The following C22orf31 variants were observed in gnomAD, a reference collection of about 807,000 sequenced individuals.
C22orf31 encodes the protein chromosome 22 open reading frame 31.
In C22orf31, 11 loss-of-function variants were observed where a neutral mutation model predicts 15.0. That is an observed-to-expected ratio of 0.73 (90% CI 0.46 to 1.21). C22orf31 has a LOEUF of 1.21. Ranked by LOEUF, C22orf31 falls within the 50% of genes most tolerant of loss-of-function variation. C22orf31 has a pLI of 0.00. For missense variants in C22orf31, 340 were observed against 347.2 expected (o/e 0.98, Z 0.17); for synonymous variants, 132 against 133.3 (o/e 0.99, Z 0.07).
the C22orf31 span, chr22:29,072,930 C>G: frequency 1.3e-5 from 2 of 152,052 alleles, no homozygotes; most frequent in Non-Finnish European, 2.9e-5. Flanking sequence ...GCTCCGCCCC[C>G]CGGGCCTCTC....
chr22:29,061,708 CAA>C, intron 1 of C22orf31, 80 bp downstream of exon 1: 1 of 1,092,896 alleles, frequency 9.2e-7, no homozygotes, highest in South Asian at 1.5e-5. Flanking sequence ...AGCAACAGAA[CAA>C]TTTGGATAGA....
chr22:29,060,582 A>G lies in C22orf31; in HGVS notation c.265T>C (p.Cys89Arg), dbSNP rs2037380053. The G allele has an allele frequency of 1.9e-6, 3 of 1,613,988 alleles. No individual in the cohort carries two copies. In the South Asian group the frequency reaches 3.3e-5, roughly 18 times the overall value. The change falls in exon 2 of 3, where the codon TGC becomes CGC. Residue 89 changes from cysteine to arginine, a missense_variant. Cys to Arg is a radical substitution (Grantham distance 180). Coordinates refer to ENST00000216071, the MANE Select transcript of C22orf31 (RefSeq NM_015370.2). ...LVLRRQLKNK[C>R]CPPPCKFGEG... ...CCAAACTTGCATGGTGGTGGGCAGC[A>G]CTTATTCTTCAGTTGCCGCCTGAGT... is the stretch of plus-strand genomic sequence containing the variant.
chr22:29,069,151 T>G, the C22orf31 span, among the ~76,000 whole-genome samples: 3 of 152,120 alleles, frequency 2.0e-5, no homozygotes, highest in Non-Finnish European at 4.4e-5. Flanking sequence ...GGCAAGTCAT[T>G]TAATCTCTCT....
At chr22:29,072,186 C>T in the C22orf31 span, among the ~76,000 whole-genome samples, 1 of 152,050 alleles carries the variant, frequency 6.6e-6, no homozygotes. Context: ...GCTCTGTCAC[C>T]CAGGCTGGAG....
chr22:29,069,610 C>A, the C22orf31 span, among the ~76,000 whole-genome samples: 1 of 152,188 alleles, frequency 6.6e-6, no homozygotes, highest in South Asian at 2.1e-4. Flanking sequence ...CCGGGTTGCT[C>A]TCTGCCAGAA....
At chr22:29,063,416 T>C (rs2037409187), upstream of C22orf31, among the ~76,000 whole-genome samples, 1 of 152,202 alleles carries the variant, frequency 6.6e-6, no homozygotes, top group Non-Finnish European at 1.5e-5. Context: ...TCCACCCACC[T>C]TGGCCTCCCA....
In C22orf31 at chr22:29,058,998, TG is replaced by T. The variant is rs1569303515; in HGVS notation, c.616del (p.His206MetfsTer81). On this transcript the variant is annotated frameshift_variant, in exon 3 of 3. Coordinates refer to ENST00000216071, the MANE Select transcript of C22orf31 (RefSeq NM_015370.2). LOFTEE classifies it low-confidence loss of function (END_TRUNC). Reference sequence around the variant, plus strand: ...CTGGTAACCCTCTGTGGGGAGACCATGGATGGTTAGCGTGTCCTCCGACAAC... The same window carrying T: ...CTGGTAACCCTCTGTGGGGAGACCATGATGGTTAGCGTGTCCTCCGACAAC... The part of the protein sequence containing the change: ...QQLSEDTLTI[H>X]GLPTEGYQAL... 6.2e-7 allele frequency: 1 copy of T among 1,614,206 alleles called. No individual in the cohort carries two copies. Among genetic ancestry groups the T allele is most frequent in the Non-Finnish European group, 8.5e-7 (1 of 1,180,036 alleles).
intron 1 of C22orf31, among the ~76,000 whole-genome samples, chr22:29,061,422 G>A (rs1046853231): frequency 3.3e-5 from 5 of 151,932 alleles, no homozygotes; most frequent in South Asian, 2.1e-4. Flanking sequence ...ATGCACCACC[G>A]CACCCAGCTG....
At chr22:29,065,228 T>C (rs2037421465), upstream of C22orf31, among the ~76,000 whole-genome samples, 1 of 152,196 alleles carries the variant, frequency 6.6e-6, no homozygotes, top group South Asian at 2.1e-4. Flanking sequence ...ATGGTCTAAG[T>C]GATGTAATGC....
intron 1 of C22orf31, among the ~76,000 whole-genome samples, chr22:29,061,261 A>G (rs1313915182): frequency 6.6e-6 from 1 of 151,998 alleles, no homozygotes; most frequent in Non-Finnish European, 1.5e-5. Context: ...TACGCTTTAC[A>G]CTTTCTTTTT....
At chr22:29,070,837 T>C in the C22orf31 span, among the ~76,000 whole-genome samples, 77,187 of 151,616 alleles carry the variant, frequency 0.51, 20,448 homozygotes, top group Middle Eastern at 0.64. Context: ...TTTTTGTTCT[T>C]CGGAATTTGT....
the C22orf31 span, among the ~76,000 whole-genome samples, chr22:29,073,541 G>T: frequency 2.0e-5 from 3 of 151,956 alleles, no homozygotes; most frequent in East Asian, 3.9e-4. This position sits in a 1 kb window ranked among gnomAD's most constrained non-coding sequence, Gnocchi z 4.4. Context: ...CGCCCCCCGG[G>T]CTGGGACATC....
At chr22:29,072,956 G>A in the C22orf31 span, 3 of 151,110 alleles carry the variant, frequency 2.0e-5, no homozygotes, top group Admixed American at 2.0e-4. Flanking sequence ...ATCCGGGCGG[G>A]CCCCAGGCTG....
At chr22:29,064,028 G>A (rs1424442417), upstream of C22orf31, among the ~76,000 whole-genome samples, 3 of 151,986 alleles carry the variant, frequency 2.0e-5, no homozygotes, top group Non-Finnish European at 4.4e-5. Context: ...CTATCATGCC[G>A]GGCTAATTTT....
At chr22:29,065,548 G>A (rs1201287198), upstream of C22orf31, among the ~76,000 whole-genome samples, 1 of 152,160 alleles carries the variant, frequency 6.6e-6, no homozygotes, top group African/African-American at 2.4e-5. Context: ...TTGTCAGATC[G>A]ATTGACCTCA....
Position 29,060,745 on chromosome 22 carries a change from T to C in C22orf31, c.102A>G (p.Ser34=), listed in dbSNP as rs6005977. The C allele has an allele frequency of 0.63, 1,011,309 of 1,613,650 alleles. 323,354 individuals carry two copies. Among genetic ancestry groups the C allele is most frequent in the Middle Eastern group, 0.68 (4,116 of 6,060 alleles). ...NTRLQDCYVD[S]PALTNIWMAR... is the part of the protein sequence containing the mutation. ...CCATCCAGATGTTGGTGAGAGCCGG[T>C]GAGTCCACATAGCAGTCCTGAAGCC... The change falls in exon 2 of 3, where the codon TCA becomes TCG. Residue 34 remains serine (S), a synonymous_variant. Coordinates refer to ENST00000216071, the MANE Select transcript of C22orf31 (RefSeq NM_015370.2).
Position 29,058,923 on chromosome 22 carries a change from G to T in C22orf31, c.692C>A (p.Thr231Asn). Residue 231 changes from threonine to asparagine, a missense_variant, in exon 3 of 3, where the codon ACC (threonine) becomes AAC (asparagine). By Grantham distance (65) the Thr-to-Asn change is moderately conservative (BLOSUM62 0). Coordinates refer to ENST00000216071, the MANE Select transcript of C22orf31 (RefSeq NM_015370.2). ...CAGCTCCAGGCTGTACCTCTTGGGG[G>T]TCCCTGAAGGATTCCACAGCATTGG... The part of the protein sequence containing the change: ...VEPMLWNPSG[T>N]PKRYSLELGK... 3.1e-6 allele frequency: 5 copies of T among 1,614,144 alleles called. No homozygotes were observed. Among genetic ancestry groups the T allele is most frequent in the Non-Finnish European group, 4.2e-6 (5 of 1,180,020 alleles).
At chr22:29,070,163 T>C in the C22orf31 span, among the ~76,000 whole-genome samples, 1 of 152,150 alleles carries the variant, frequency 6.6e-6, no homozygotes, top group Non-Finnish European at 1.5e-5. Flanking sequence ...GCCAGGCTGG[T>C]CTCAAACTCC....
intron 2 of C22orf31, chr22:29,059,704 G>C (rs185138786): frequency 2.1e-6 from 2 of 959,080 alleles, no homozygotes; most frequent in Non-Finnish European, 1.2e-6. Flanking sequence ...TCAGGCCTTC[G>C]TAGGCCAAGT....
Sources: gnomAD v4.1 joint callset for allele counts (sites outside exome capture counted in the v4.1 genomes callset) on GRCh38, gnomAD v4.1.1 for gene constraint, Gnocchi (gnomAD v3.1) non-coding constraint, MANE v1.5 for transcripts, NCBI Gene and HGNC (gene_info 2026-07-23, HGNC 2026-07-21) for gene names.